Variants in ARHGAP29 observed in about 807,000 individuals in gnomAD.
The protein encoded by ARHGAP29 is Rho GTPase activating protein 29.
A neutral mutation model predicts 122.6 loss-of-function variants in ARHGAP29; 43 were observed. The ratio of observed to expected loss-of-function variants is 0.35; its 90% CI spans 0.27 to 0.45. The LOEUF is 0.45. Among genes scored for constraint, ARHGAP29 ranks in the 20% least tolerant of loss-of-function variants. The probability of loss-of-function intolerance (pLI) is 1.00; values close to 1 mark genes in which losing one functional copy is unlikely to be tolerated. For synonymous variants in ARHGAP29, 506 were observed against 497.1 expected, an observed-to-expected ratio of 1.02 and a Z score of -0.24; for missense variants, 1,303 against 1,477.2, an observed-to-expected ratio of 0.88 and a Z score of 1.93.
intron 2 of ARHGAP29, among the ~76,000 whole-genome samples, chr1:94,223,893 T>C (rs954777743): frequency 2.5e-4 from 38 of 151,928 alleles, no homozygotes; most frequent in South Asian, 8.3e-4. Context: ...GTGCAACCTC[T>C]GCCTCCCGGG....
chr1:94,242,179 T>C (rs2100678241), upstream of ARHGAP29, among the ~76,000 whole-genome samples: 2 of 152,288 alleles, frequency 1.3e-5, no homozygotes, highest in South Asian at 4.1e-4. Flanking sequence ...AAGCTATAGA[T>C]GGACGATTCC....
chr1:94,204,866 G>A (rs919405594), intron 7 of ARHGAP29, among the ~76,000 whole-genome samples, 195 bp downstream of exon 7: 1 of 152,018 alleles, frequency 6.6e-6, no homozygotes, highest in African/African-American at 2.4e-5. Flanking sequence ...TGTGTCCCTA[G>A]GTCTAGTAGT....
chr1:94,313,004 C>G, the ARHGAP29 span, among the ~76,000 whole-genome samples: 1 of 152,156 alleles, frequency 6.6e-6, no homozygotes, highest in Non-Finnish European at 1.5e-5. Flanking sequence ...TCCCTGTACC[C>G]CAGACAGATC....
Position 94,215,398 on chromosome 1 carries a change from T to C in ARHGAP29, c.340+4860A>G, listed in dbSNP as rs548165898. 5.9e-5 allele frequency among the ~76,000 whole-genome samples: 9 copies of C among 151,458 alleles called. No homozygotes were observed. In the East Asian group the frequency reaches 1.7e-3, roughly 29 times the overall value. ...AATCTTCATGGAAAAAATAAAATTC[T>C]GAACAAGCTATCCCTACCAGATACT... On this transcript the variant is annotated intron_variant, in intron 3 of 22. Transcript: ENST00000260526.
At chr1:94,293,192 T>G in the ARHGAP29 span, among the ~76,000 whole-genome samples, 1 of 152,198 alleles carries the variant, frequency 6.6e-6, no homozygotes, top group African/African-American at 2.4e-5. Flanking sequence ...AATGGCAGAT[T>G]CCTCTCCCCC....
the ARHGAP29 span, among the ~76,000 whole-genome samples, chr1:94,290,056 A>G: frequency 6.6e-6 from 1 of 152,224 alleles, no homozygotes; most frequent in Non-Finnish European, 1.5e-5. Context: ...GAATAGTTTC[A>G]GAAGGAATGG....
chr1:94,305,122 A>G, the ARHGAP29 span, among the ~76,000 whole-genome samples: 766 of 152,352 alleles, frequency 5.0e-3, 10 homozygotes, highest in African/African-American at 0.018. Flanking sequence ...TGAAAATGTT[A>G]ATCATGTATA....
intron 5 of ARHGAP29, 70 bp downstream of exon 5, chr1:94,208,762 A>G: frequency 6.7e-7 from 1 of 1,498,674 alleles, no homozygotes; most frequent in Non-Finnish European, 9.3e-7. Context: ...CCCCGGCCTA[A>G]GATTAGGCAA....
chr1:94,314,445 C>T, the ARHGAP29 span, among the ~76,000 whole-genome samples: 1 of 152,154 alleles, frequency 6.6e-6, no homozygotes, highest in African/African-American at 2.4e-5. Context: ...ATCAGTAGCT[C>T]CCTGAACAAA....
chr1:94,235,676 T>G (rs543763468), intron 1 of ARHGAP29, among the ~76,000 whole-genome samples: 1 of 152,308 alleles, frequency 6.6e-6, no homozygotes, highest in South Asian at 2.1e-4. Context: ...ACACACTAAT[T>G]CTGGTGCATC....
chr1:94,229,643 G>A (rs1481762271), intron 2 of ARHGAP29, among the ~76,000 whole-genome samples: 2 of 151,536 alleles, frequency 1.3e-5, no homozygotes, highest in Non-Finnish European at 3.0e-5. Flanking sequence ...TTTTGATAAT[G>A]TCCTTATGAA....
chr1:94,223,426 T>TA (rs1011820232), intron 2 of ARHGAP29, among the ~76,000 whole-genome samples: 8 of 150,690 alleles, frequency 5.3e-5, no homozygotes, highest in East Asian at 1.9e-4. Context: ...TCCTCATCTA[T>TA]AAAAAAAAAG....
At chr1:94,281,469 C>A in the ARHGAP29 span, among the ~76,000 whole-genome samples, 1 of 152,246 alleles carries the variant, frequency 6.6e-6, no homozygotes, top group Non-Finnish European at 1.5e-5. Flanking sequence ...ACCTTGAGAT[C>A]AACACCGTCA....
chr1:94,213,235 A>G (rs1471912199), intron 3 of ARHGAP29, among the ~76,000 whole-genome samples: 1 of 152,154 alleles, frequency 6.6e-6, no homozygotes, highest in Non-Finnish European at 1.5e-5. Context: ...GCTGGAGTGC[A>G]GTGGCGTGAT....
At chr1:94,182,980 T>A (rs1313573800) in intron 19 of ARHGAP29, among the ~76,000 whole-genome samples, 1 of 152,154 alleles carries the variant, frequency 6.6e-6, no homozygotes, top group Non-Finnish European at 1.5e-5. Flanking sequence ...GAGGAGTAAG[T>A]TCTGGTGTTT....
At chr1:94,295,773 C>CAATGTGGAATCTTCTAATTCCACAA in the ARHGAP29 span, among the ~76,000 whole-genome samples, 1 of 151,592 alleles carries the variant, frequency 6.6e-6, no homozygotes, top group Admixed American at 6.6e-5. Context: ...TAATTCCACA[C>CAATGTGGAATCTTCTAATTCCACAA]AATGTGGAAT....
upstream of ARHGAP29, among the ~76,000 whole-genome samples, chr1:94,240,230 A>G (rs948174837): frequency 6.6e-6 from 1 of 152,232 alleles, no homozygotes; most frequent in Non-Finnish European, 1.5e-5. Flanking sequence ...GTTACTTAGA[A>G]GGTTAAATAA....
chr1:94,246,947 C>T (rs1653825393), intron 1 of ARHGAP29, among the ~76,000 whole-genome samples: 1 of 152,066 alleles, frequency 6.6e-6, no homozygotes, highest in Admixed American at 6.5e-5. Flanking sequence ...TGGGAGGGAA[C>T]GACAGAGACG....
chr1:94,197,282 T>C (rs945223008), intron 12 of ARHGAP29, among the ~76,000 whole-genome samples: 1 of 151,892 alleles, frequency 6.6e-6, no homozygotes, highest in African/African-American at 2.4e-5. Context: ...ACCAATTCCA[T>C]GAAAGCCACA....
Sources: gnomAD v4.1 joint callset for allele counts (sites outside exome capture counted in the v4.1 genomes callset) on GRCh38, gnomAD v4.1.1 for gene constraint, MANE v1.5 for transcripts, NCBI Gene and HGNC (gene_info 2026-07-23, HGNC 2026-07-21) for gene names.